PTK6: variants seen among roughly 807,000 people sequenced by gnomAD.
PTK6 encodes the protein protein-tyrosine kinase 6.
In PTK6, 47 loss-of-function variants were observed where a neutral mutation model predicts 47.5. That is an observed-to-expected ratio of 0.99 (90% confidence interval 0.78 to 1.26). PTK6 has a LOEUF of 1.26. Ranked by LOEUF, PTK6 falls within the 50% of genes most tolerant of loss-of-function variation. The probability of loss-of-function intolerance (pLI) is 0.00; values close to 1 mark genes in which losing one functional copy is unlikely to be tolerated. For missense variants in PTK6, 618 were observed against 625.3 expected, an observed-to-expected ratio of 0.99 and a Z score of 0.12; for synonymous variants, 287 against 276.5, an observed-to-expected ratio of 1.04 and a Z score of -0.38.
Position 63,533,650 on chromosome 20 carries a change from ACTC to A in PTK6, c.568_570del (p.Glu190del), listed in dbSNP as rs754370190. The A allele has an allele frequency of 8.2e-5, 133 of 1,613,180 alleles. No individual in the cohort carries two copies. Among genetic ancestry groups the A allele is most frequent in the East Asian group, 6.9e-4 (31 of 44,838 alleles). On this transcript the variant is annotated inframe_deletion, in exon 4 of 8. Coordinates refer to ENST00000542869, the MANE Select transcript of PTK6 (RefSeq NM_005975.4). This position sits in a 1 kb window ranked among gnomAD's most constrained non-coding sequence, Gnocchi z 4.0. ...GACCCCAGCTTCCTGCAGAGCGTGA[ACTC>A]CTCCCTCGGCCTCTCCCAGTCATCC...
Position 63,530,023 on chromosome 20 carries a change from C to T in PTK6, c.1168+55G>A. 6.3e-7 allele frequency: 1 copy of T among 1,598,628 alleles called. No homozygotes were observed. The highest frequency in any genetic ancestry group is 1.1e-5 in the South Asian group (1 of 90,588). ...CCCCCCAGCGTCCCTGCCGGCTACCCAGGACCTCCCCCACTCTGCCTCTCA... is the reference window on the plus strand; with the variant it reads ...CCCCCCAGCGTCCCTGCCGGCTACCTAGGACCTCCCCCACTCTGCCTCTCA... On this transcript the variant is annotated intron_variant, in intron 7 of 7. Coordinates refer to ENST00000542869, the MANE Select transcript of PTK6 (RefSeq NM_005975.4). This position sits in a 1 kb window ranked among gnomAD's most constrained non-coding sequence, Gnocchi z 4.1.
At chr20:63,535,319 G>GGTC (rs2082656218) in intron 1 of PTK6, among the ~76,000 whole-genome samples, 1 of 152,162 alleles carries the variant, frequency 6.6e-6, no homozygotes, top group South Asian at 2.1e-4. Flanking sequence ...CGAGTCTAGG[G>GGTC]GTCAGAGCCT....
At chr20:63,532,725 AC>A in intron 4 of PTK6, 38 bp from the exon 5 acceptor site, 5 of 1,598,560 alleles carry the variant, frequency 3.1e-6, no homozygotes, top group Non-Finnish European at 1.7e-6. Context: ...GCAGCCCCTG[AC>A]CCCCCAGGCC....
At chr20:63,534,869 A>G in intron 2 of PTK6, 69 bp downstream of exon 2, 2 of 1,517,280 alleles carry the variant, frequency 1.3e-6, no homozygotes, top group Non-Finnish European at 1.8e-6. Flanking sequence ...CGGGTTCACC[A>G]CGTGGCTGGG....
In PTK6 at chr20:63,533,563, C is replaced by T; in HGVS notation, c.658G>A (p.Val220Met). ...GGGGCCCACTCACCTCGAGAAATCA[C>T]CTTAATGGCCACCTGGACCCGGTCT... The part of the protein sequence containing the change: ...WKDRVQVAIK[V>M]ISRDNLLHQQ... Residue 220 changes from valine (V) to methionine (M), a missense_variant, in exon 4 of 8, where the codon GTG (valine) becomes ATG (methionine). Val to Met is a conservative substitution (Grantham distance 21). Coordinates refer to ENST00000542869, the MANE Select transcript of PTK6 (RefSeq NM_005975.4). The surrounding 1 kb of genome is among the most constrained non-coding windows in gnomAD (Gnocchi z 4.0). The T allele has an allele frequency of 1.2e-6, 2 of 1,611,320 alleles. No homozygotes were observed. Among genetic ancestry groups the T allele is most frequent in the African/African-American group, 1.3e-5 (1 of 74,962 alleles).
At chr20:63,536,981 G>T in intron 1 of PTK6, 104 bp downstream of exon 1, 1 of 1,247,470 alleles carries the variant, frequency 8.0e-7, no homozygotes, top group Non-Finnish European at 1.1e-6. Flanking sequence ...ATGGAACCGG[G>T]GTCCCCACCT....
intron 2 of PTK6, among the ~76,000 whole-genome samples, chr20:63,534,604 G>C (rs552968909): frequency 6.6e-6 from 1 of 152,310 alleles, no homozygotes; most frequent in Admixed American, 6.5e-5. Context: ...GGCAGGGATG[G>C]GGTTTCTCTG....
rs2082654191 is a variant in PTK6 at position 63,535,066 on chromosome 20, G to A, written c.231-7C>T. On this transcript the variant is annotated splice_polypyrimidine_tract_variant and splice_region_variant and intron_variant, in intron 1 of 7. Coordinates refer to ENST00000542869, the MANE Select transcript of PTK6 (RefSeq NM_005975.4). ...GATGCAGCCAAAGAACCACCTGCAG[G>A]GGAGGAGTCTGAGAACACGCGGACC... 6.3e-7 allele frequency: 1 copy of A among 1,591,364 alleles called. No individual in the cohort carries two copies. The highest frequency in any genetic ancestry group is 8.6e-7 in the Non-Finnish European group (1 of 1,163,682).
chr20:63,534,907 G>A, intron 2 of PTK6, 31 bp downstream of exon 2: 1 of 1,573,106 alleles, frequency 6.4e-7, no homozygotes, highest in Non-Finnish European at 8.6e-7. Context: ...GCCCCCGCAG[G>A]CAAGCACAGG....
chr20:63,535,767 C>G (rs1399404222), intron 1 of PTK6, among the ~76,000 whole-genome samples: 2 of 122,574 alleles, frequency 1.6e-5, no homozygotes, highest in African/African-American at 3.9e-5. Context: ...GCCTCCCGCC[C>G]CCCCCCTCAC....
intron 2 of PTK6, among the ~76,000 whole-genome samples, chr20:63,534,706 G>A (rs2082650548): frequency 2.0e-5 from 3 of 152,154 alleles, no homozygotes; most frequent in African/African-American, 7.2e-5. Context: ...AGGGCTGGCT[G>A]GAGAAGCCCC....
rs1014834699 is a variant in PTK6, at chr20:63,536,790, C to T, written c.230+295G>A. Among the ~76,000 whole-genome samples the T allele has an allele frequency of 5.3e-4, 81 of 152,338 alleles. 1 individual carries two copies. The highest frequency in any genetic ancestry group is 1.9e-3 in the African/African-American group (78 of 41,584). ...TGGACCCTCTGTCCTCCCTGGGTCC[C>T]GGCAATGCAGCGTCCACCCCCGAGC... On this transcript the variant is annotated intron_variant, in intron 1 of 7. Transcript: ENST00000542869.
In PTK6 at chr20:63,529,921, T is replaced by TG; in HGVS notation, c.1168+156dup. 3 of 1,124,502 alleles carry TG rather than the reference T, an allele frequency of 2.7e-6. No individual in the cohort carries two copies. Among genetic ancestry groups the TG allele is most frequent in the Non-Finnish European group, 2.5e-6 (2 of 808,826 alleles). The allele number at this position is 1,124,502 out of a possible 1,614,324, so 69.7% of individuals were successfully genotyped here. ...CAACAGGCAGCTCCAGGCACCAGCC[T>TG]GGGTGCTCAGAGAATGGTGCAGGTG... On this transcript the variant is annotated intron_variant, in intron 7 of 7. Coordinates refer to ENST00000542869, the MANE Select transcript of PTK6 (RefSeq NM_005975.4). This position sits in a 1 kb window ranked among gnomAD's most constrained non-coding sequence, Gnocchi z 5.6.
intron 1 of PTK6, among the ~76,000 whole-genome samples, chr20:63,535,397 G>A (rs1349593451): frequency 6.9e-6 from 1 of 144,940 alleles, no homozygotes; most frequent in African/African-American, 2.9e-5. Context: ...ACCCATGTGT[G>A]ACGCACGCTC....
chr20:63,533,503 C>T lies in PTK6; in HGVS notation c.670+48G>A, dbSNP rs376551741. 1.3e-6 allele frequency: 2 copies of T among 1,527,466 alleles called. No homozygotes were observed. Among genetic ancestry groups the T allele is most frequent in the African/African-American group, 2.8e-5 (2 of 72,290 alleles). 94.6% of individuals were successfully genotyped at this position (1,527,466 alleles called of 1,614,324 possible). On this transcript the variant is annotated intron_variant, in intron 4 of 7. Coordinates refer to ENST00000542869, the MANE Select transcript of PTK6 (RefSeq NM_005975.4). The surrounding 1 kb of genome is among the most constrained non-coding windows in gnomAD (Gnocchi z 4.0). ...CCTGTTGGCGGGGTGGGAGGGTGGCCCAGGGCAGGCACGGGGCCACACAGA... is the reference window on the plus strand; with the variant it reads ...CCTGTTGGCGGGGTGGGAGGGTGGCTCAGGGCAGGCACGGGGCCACACAGA...
In PTK6 at chr20:63,537,139, T is replaced by C; in HGVS notation, c.176A>G (p.Gln59Arg). 1 of 1,610,810 alleles carries C rather than the reference T, an allele frequency of 6.2e-7. No individual in the cohort carries two copies. Among genetic ancestry groups the C allele is most frequent in the Non-Finnish European group, 8.5e-7 (1 of 1,179,258 alleles). The part of the protein sequence containing the change: ...LLDEAGGAVA[Q>R]GYVPHNYLAE... ...CAGGTAGTTGTGGGGCACATAGCCC[T>C]GGGCCACGGCCCCACCCGCCTCGTC... The change falls in exon 1 of 8, where the codon CAG becomes CGG. Residue 59 changes from glutamine (Q) to arginine (R), a missense_variant. Coordinates refer to ENST00000542869, the MANE Select transcript of PTK6 (RefSeq NM_005975.4).
chr20:63,528,099 A>G lies in PTK6; in HGVS notation c.*1437T>C, dbSNP rs2082588983. ...GCATTTTAATGTAATAACCAAAATT[A>G]TGACTGATAACATTGCACCAGATTT... On this transcript the variant is annotated 3_prime_UTR_variant, in exon 8 of 8. Coordinates refer to ENST00000542869, the MANE Select transcript of PTK6 (RefSeq NM_005975.4). 1 of 152,262 alleles carries G rather than the reference A, an allele frequency of 6.6e-6. No individual in the cohort carries two copies. 9.4% of individuals were successfully genotyped at this position (152,262 alleles called of 1,614,324 possible).
Position 63,531,437 on chromosome 20 carries a change from AATATATAT to A in PTK6, c.833-518_833-511del, listed in dbSNP as rs748873194. Among the ~76,000 whole-genome samples, 246 of 94,888 alleles carry A rather than the reference AATATATAT, an allele frequency of 2.6e-3. 11 individuals carry two copies. Among genetic ancestry groups the A allele is most frequent in the African/African-American group, 0.013 (229 of 17,934 alleles). The allele number at this position is 94,888 out of a possible 152,430, so 62.3% of individuals were successfully genotyped here. On this transcript the variant is annotated intron_variant, in intron 5 of 7. Coordinates refer to ENST00000542869, the MANE Select transcript of PTK6 (RefSeq NM_005975.4). ...CTCCGTCTCAAAAAAAAAAAAAAAAAATATATATATATATATATATATATATAATTAGC... is the reference window on the plus strand; with the variant it reads ...CTCCGTCTCAAAAAAAAAAAAAAAAAATATATATATATATATATAATTAGC...
chr20:63,534,134 T>C lies in PTK6; in HGVS notation c.516+18A>G. 6.5e-7 allele frequency: 1 copy of C among 1,537,768 alleles called. No individual in the cohort carries two copies. The highest frequency in any genetic ancestry group is 8.7e-7 in the Non-Finnish European group (1 of 1,142,922). On this transcript the variant is annotated intron_variant, in intron 3 of 7. Transcript: ENST00000542869. ...CCCAGCCTGACCCCGCGTGACCAAG[T>C]CAGGGCGGAGCGGCTACCTTCCGGC...
Sources: allele counts gnomAD v4.1 joint callset (sites outside exome capture counted in the v4.1 genomes callset), GRCh38; gene constraint gnomAD v4.1.1; non-coding constraint Gnocchi (gnomAD v3.1); transcripts MANE v1.5; gene names NCBI Gene and HGNC (gene_info 2026-07-23, HGNC 2026-07-21).